TRIM55: variants seen among roughly 807,000 people sequenced by gnomAD.
TRIM55 encodes the protein tripartite motif containing 55, also known as tripartite motif-containing protein 55.
Under a neutral mutation model 60.9 loss-of-function variants are expected in TRIM55, and 50 were observed. The observed-to-expected ratio is 0.82, with a 90% CI of 0.65 to 1.04. The LOEUF (loss-of-function observed/expected upper bound fraction) is 1.04. TRIM55 is among the 50% of genes least tolerant of loss of function. The probability of loss-of-function intolerance (pLI) is 0.00; values close to 1 mark genes in which losing one functional copy is unlikely to be tolerated. For missense variants in TRIM55, 681 were observed against 666.9 expected, an observed-to-expected ratio of 1.02 and a Z score of -0.23; for synonymous variants, 237 against 238.1, an observed-to-expected ratio of 1.00 and a Z score of 0.04.
the TRIM55 span, among the ~76,000 whole-genome samples, chr8:66,118,668 T>C: frequency 6.6e-6 from 1 of 152,166 alleles, no homozygotes; most frequent in Non-Finnish European, 1.5e-5. Flanking sequence ...AGCCAAATAA[T>C]GGTTAGAAAG....
upstream of TRIM55, among the ~76,000 whole-genome samples, chr8:66,124,797 C>CTTTACCCTAAAACAGTTTTGTTGAAT (rs1808758989): frequency 1.3e-5 from 2 of 152,180 alleles, no homozygotes; most frequent in Admixed American, 6.5e-5. Context: ...GCCCCAATAT[C>CTTTACCCTAAAACAGTTTTGTTGAAT]TTTACCCTAA....
At chr8:66,141,566 C>G (rs1184950851) in intron 4 of TRIM55, among the ~76,000 whole-genome samples, 6 of 152,200 alleles carry the variant, frequency 3.9e-5, no homozygotes, top group African/African-American at 1.4e-4. Context: ...CTTCTCATCC[C>G]TAGAGAACAT....
the TRIM55 span, among the ~76,000 whole-genome samples, chr8:66,120,558 C>T: frequency 2.0e-5 from 3 of 152,144 alleles, no homozygotes; most frequent in Non-Finnish European, 2.9e-5. Context: ...ATGATTCCAT[C>T]AATCATGCCT....
At chr8:66,150,871 G>C (rs1016708666) in intron 7 of TRIM55, among the ~76,000 whole-genome samples, 1 of 152,154 alleles carries the variant, frequency 6.6e-6, no homozygotes, top group Non-Finnish European at 1.5e-5. Flanking sequence ...TCGCCATGTT[G>C]GCCAGGCTGG....
At chr8:66,133,665 C>A (rs1809303098) in intron 2 of TRIM55, among the ~76,000 whole-genome samples, 1 of 152,150 alleles carries the variant, frequency 6.6e-6, no homozygotes, top group Non-Finnish European at 1.5e-5. Flanking sequence ...AGACCCAGGG[C>A]TTCTCCCAAT....
chr8:66,161,102 A>G (rs529564502), intron 9 of TRIM55, among the ~76,000 whole-genome samples: 5 of 152,182 alleles, frequency 3.3e-5, no homozygotes, highest in South Asian at 2.1e-4. Flanking sequence ...TCCTAAGCCA[A>G]TGTCTAGAAG....
At chr8:66,120,804 CATAAAT>C in the TRIM55 span, among the ~76,000 whole-genome samples, 1 of 152,150 alleles carries the variant, frequency 6.6e-6, no homozygotes, top group Non-Finnish European at 1.5e-5. Flanking sequence ...AAACTGTAAT[CATAAAT>C]ATAATGTTTT....
chr8:66,138,289 G>A (rs559675379), intron 4 of TRIM55, among the ~76,000 whole-genome samples: 7 of 152,256 alleles, frequency 4.6e-5, no homozygotes, highest in South Asian at 2.1e-4. Flanking sequence ...TATAAAATAC[G>A]TATTGTGTTA....
chr8:66,150,426 T>C lies in TRIM55; in HGVS notation c.945T>C (p.Asn315=), dbSNP rs775979433. Residue 315 remains asparagine, a synonymous_variant, in exon 7 of 10, where the codon AAT becomes AAC. Transcript: ENST00000315962. ...TGAACCACTTCACAGTCAACCTCAA[T>C]AGAGAAGAAAAGATAATACGTGAAA... is the stretch of plus-strand genomic sequence containing the variant. ...ENMNHFTVNL[N]REEKIIREID... is the part of the protein sequence containing the mutation. 8.7e-6 allele frequency: 14 copies of C among 1,614,126 alleles called. No homozygotes were observed. In the Admixed American group the frequency reaches 2.2e-4, roughly 25 times the overall value.
chr8:66,153,988 T>TTTCTTC, intron 8 of TRIM55, 59 bp from the exon 9 acceptor site: 1 of 1,502,280 alleles, frequency 6.7e-7, no homozygotes, highest in South Asian at 1.3e-5. Context: ...TCAACTGCTT[T>TTTCTTC]TTCTTCTTCT....
intron 9 of TRIM55, among the ~76,000 whole-genome samples, chr8:66,156,039 A>G (rs904095019): frequency 6.6e-6 from 1 of 152,204 alleles, no homozygotes; most frequent in South Asian, 2.1e-4. Flanking sequence ...TCAAGTGTCC[A>G]TAATGCGGTG....
intron 1 of TRIM55, 67 bp downstream of exon 1, chr8:66,127,503 G>A: frequency 6.4e-7 from 1 of 1,562,582 alleles, no homozygotes; most frequent in South Asian, 1.1e-5. Context: ...GGAATCAAGT[G>A]CTTAACATTG....
At chr8:66,158,667 T>C (rs747105712) in intron 9 of TRIM55, among the ~76,000 whole-genome samples, 5 of 152,242 alleles carry the variant, frequency 3.3e-5, no homozygotes, top group Non-Finnish European at 5.9e-5. Context: ...TTGGGAGGGT[T>C]ATGGACTTAG....
upstream of TRIM55, among the ~76,000 whole-genome samples, chr8:66,124,758 C>T (rs1003191322): frequency 1.3e-5 from 2 of 152,244 alleles, no homozygotes; most frequent in Non-Finnish European, 2.9e-5. Context: ...ACCTCCCTTA[C>T]AATTTGCACA....
the TRIM55 span, chr8:66,113,386 T>G: frequency 7.6e-6 from 3 of 394,542 alleles, no homozygotes; most frequent in Non-Finnish European, 1.5e-5. Context: ...GCTCAGCTGG[T>G]AGAGCGGAGG....
At chr8:66,157,662 T>C (rs7826464) in intron 9 of TRIM55, among the ~76,000 whole-genome samples, 35,197 of 152,132 alleles carry the variant, frequency 0.23, 8,182 homozygotes, top group African/African-American at 0.6. Context: ...CACTTGCTGA[T>C]CTGTAAACTA....
chr8:66,159,933 C>T (rs933472132), intron 9 of TRIM55, among the ~76,000 whole-genome samples: 2 of 152,164 alleles, frequency 1.3e-5, no homozygotes, highest in Admixed American at 6.5e-5. Flanking sequence ...ATAAAACTTC[C>T]TTATCAGATA....
intron 9 of TRIM55, among the ~76,000 whole-genome samples, chr8:66,166,182 A>C (rs1021202185): frequency 2.0e-5 from 3 of 152,226 alleles, no homozygotes; most frequent in African/African-American, 4.8e-5. Flanking sequence ...TCCTAAGTAA[A>C]TGTCACTTTA....
intron 3 of TRIM55, 55 bp downstream of exon 3, chr8:66,135,210 G>T: frequency 6.3e-7 from 1 of 1,595,054 alleles, no homozygotes. Context: ...ACACCTTAGG[G>T]CCTTCCTGGG....
Sources: allele counts gnomAD v4.1 joint callset (sites outside exome capture counted in the v4.1 genomes callset), GRCh38; gene constraint gnomAD v4.1.1; transcripts MANE v1.5; gene names NCBI Gene and HGNC (gene_info 2026-07-23, HGNC 2026-07-21).